AGO2: variants seen among roughly 807,000 people sequenced by gnomAD.
AGO2 encodes the protein protein argonaute-2.
A neutral mutation model predicts 102.3 loss-of-function variants in AGO2; 5 were observed. The observed-to-expected ratio is 0.05, with a 90% CI of 0.03 to 0.10. The LOEUF is 0.10. Ranked by LOEUF, AGO2 falls within the 10% of genes least tolerant of loss-of-function variation. The pLI, the probability that AGO2 is intolerant of heterozygous loss-of-function variation, is 1.00. For synonymous variants in AGO2, 449 were observed against 473.1 expected, an observed-to-expected ratio of 0.95 and a Z score of 0.66; for missense variants, 541 against 1,183.7, an observed-to-expected ratio of 0.46 and a Z score of 7.97.
chr8:140,524,531 C>T lies in AGO2; in HGVS notation c.*7513G>A, dbSNP rs2072467266. ...AAGAAAGCTTCCAAGGCTGGAGGTCCACGCCTGCCTTGTGGAATGGCACAG... is the reference window on the plus strand; with the variant it reads ...AAGAAAGCTTCCAAGGCTGGAGGTCTACGCCTGCCTTGTGGAATGGCACAG... On this transcript the variant is annotated 3_prime_UTR_variant, in exon 19 of 19. Transcript: ENST00000220592. 1 of 152,274 alleles carries T rather than the reference C, an allele frequency of 6.6e-6. No homozygotes were observed. Among genetic ancestry groups the T allele is most frequent in the Non-Finnish European group, 1.5e-5 (1 of 68,066 alleles). The allele number at this position is 152,274 out of a possible 1,614,324, so 9.4% of individuals were successfully genotyped here. A position where few individuals can be genotyped will look rare whatever the true frequency, so the allele number is the denominator to read the frequency against.
rs189961133 is a variant in AGO2 at position 140,522,086 on chromosome 8, T to C, written c.*9958A>G. 49 of 152,266 alleles carry C rather than the reference T, an allele frequency of 3.2e-4. 1 individual carries two copies. The highest frequency in any genetic ancestry group is 1.9e-3 in the East Asian group (10 of 5,192). The allele number at this position is 152,266 out of a possible 1,614,324, so 9.4% of individuals were successfully genotyped here. On this transcript the variant is annotated 3_prime_UTR_variant, in exon 19 of 19. Coordinates refer to ENST00000220592, the MANE Select transcript of AGO2 (RefSeq NM_012154.5). The stretch of plus-strand genomic sequence containing the variant: ...CTGGGGAAAAGTCTATCAAATTCCA[T>C]GACCAATTGGACTTTTCTCCCACCT...
Position 140,540,946 on chromosome 8 carries a change from C to A in AGO2, c.2034+218G>T, listed in dbSNP as rs948594392. 3.3e-5 allele frequency among the ~76,000 whole-genome samples: 5 copies of A among 152,066 alleles called. No homozygotes were observed. Among genetic ancestry groups the A allele is most frequent in the African/African-American group, 7.2e-5 (3 of 41,418 alleles). On this transcript the variant is annotated intron_variant, in intron 15 of 18. Transcript: ENST00000220592. The surrounding 1 kb of genome is among the most constrained non-coding windows in gnomAD (Gnocchi z 5.0). Reference sequence around the variant, plus strand: ...CCCCAGGCCCATACCCGCCCCTCCTCCCCTCCCTCTGTCCTGCCTCAGTGT... The same window carrying A: ...CCCCAGGCCCATACCCGCCCCTCCTACCCTCCCTCTGTCCTGCCTCAGTGT...
At position 140,522,033 on chromosome 8, in the gene AGO2, C is replaced by T. The variant is rs1280013168; in HGVS notation, c.*10011G>A. On this transcript the variant is annotated 3_prime_UTR_variant, in exon 19 of 19. Coordinates refer to ENST00000220592, the MANE Select transcript of AGO2 (RefSeq NM_012154.5). Reference sequence around the variant, plus strand: ...TTTTTTCTTTTCACAGGGGGGCAGTCGGGATTATAATACACTGTAGCAGTT... The same window carrying T: ...TTTTTTCTTTTCACAGGGGGGCAGTTGGGATTATAATACACTGTAGCAGTT... The T allele has an allele frequency of 1.3e-5, 2 of 151,288 alleles. No homozygotes were observed. Among genetic ancestry groups the T allele is most frequent in the Non-Finnish European group, 2.9e-5 (2 of 67,924 alleles). 9.4% of individuals were successfully genotyped at this position (151,288 alleles called of 1,614,324 possible).
At chr8:140,639,137 G>C (rs1466384106), upstream of AGO2, among the ~76,000 whole-genome samples, 1 of 152,156 alleles carries the variant, frequency 6.6e-6, no homozygotes, top group Non-Finnish European at 1.5e-5. Flanking sequence ...CAAAGTGCTG[G>C]GACTACAAGT....
intron 1 of AGO2, among the ~76,000 whole-genome samples, chr8:140,597,360 C>T (rs1411310073): frequency 4.6e-5 from 7 of 151,956 alleles, no homozygotes; most frequent in South Asian, 2.1e-4. Flanking sequence ...GCGTGGGCAG[C>T]GGTGGCATAA....
chr8:140,560,032 C>T (rs189180479), intron 5 of AGO2, among the ~76,000 whole-genome samples: 3 of 152,334 alleles, frequency 2.0e-5, no homozygotes, highest in Admixed American at 1.3e-4. Flanking sequence ...CACAGAGCAG[C>T]GACTAAGCCT....
At chr8:140,566,790 G>T (rs1588463907) in intron 3 of AGO2, among the ~76,000 whole-genome samples, 1 of 152,320 alleles carries the variant, frequency 6.6e-6, no homozygotes, top group South Asian at 2.1e-4. Context: ...GCTTGGCTGG[G>T]CATGGGGGGA....
chr8:140,599,198 T>A (rs1041377438), intron 1 of AGO2, among the ~76,000 whole-genome samples: 2 of 152,204 alleles, frequency 1.3e-5, no homozygotes, highest in Non-Finnish European at 2.9e-5. Flanking sequence ...GTTTCTGCCA[T>A]CCCACTGACA....
At chr8:140,534,959 G>T (rs2072670020) in intron 17 of AGO2, among the ~76,000 whole-genome samples, 1 of 152,258 alleles carries the variant, frequency 6.6e-6, no homozygotes, top group Admixed American at 6.5e-5. Context: ...CCTCAAGGTG[G>T]TAACCAACAC....
At chr8:140,611,889 T>C (rs2074082694) in intron 1 of AGO2, among the ~76,000 whole-genome samples, 1 of 152,138 alleles carries the variant, frequency 6.6e-6, no homozygotes, top group Non-Finnish European at 1.5e-5. Context: ...GGAAAACATA[T>C]TCACCACCAT....
At chr8:140,538,292 A>G (rs2072732499) in intron 16 of AGO2, among the ~76,000 whole-genome samples, 1 of 152,016 alleles carries the variant, frequency 6.6e-6, no homozygotes, top group African/African-American at 2.4e-5. Context: ...GTAGATGATA[A>G]CCCTCTGCCT....
chr8:140,638,377 C>T (rs535503946), upstream of AGO2: 4 of 152,328 alleles, frequency 2.6e-5, no homozygotes, highest in Admixed American at 2.6e-4. Flanking sequence ...TGTCTGCAGG[C>T]CTTCTCAGAG....
chr8:140,537,507 G>A (rs2072718645), intron 16 of AGO2, among the ~76,000 whole-genome samples: 1 of 152,038 alleles, frequency 6.6e-6, no homozygotes, highest in African/African-American at 2.4e-5. Context: ...TCACTTTGTT[G>A]CTCAGGCTAG....
chr8:140,633,546 A>C (rs1331870003), intron 1 of AGO2, among the ~76,000 whole-genome samples: 1 of 152,226 alleles, frequency 6.6e-6, no homozygotes, highest in Non-Finnish European at 1.5e-5. Context: ...CTGAAAAATG[A>C]AATCGACAAG....
intron 1 of AGO2, among the ~76,000 whole-genome samples, chr8:140,599,312 C>T (rs1384922601): frequency 6.6e-6 from 1 of 152,214 alleles, no homozygotes; most frequent in Non-Finnish European, 1.5e-5. Flanking sequence ...TTATCACCGG[C>T]TCGTTTCATA....
chr8:140,559,079 G>A (rs2944758), intron 6 of AGO2, among the ~76,000 whole-genome samples: 30,354 of 151,918 alleles, frequency 0.2, 3,868 homozygotes, highest in African/African-American at 0.37. Flanking sequence ...AAAAGAAAAC[G>A]CATCCTAGGT....
chr8:140,541,346 T>C lies in AGO2; in HGVS notation c.1852A>G (p.Met618Val). Residue 618 changes from methionine (M) to valine (V), a missense_variant, in exon 15 of 19, where the codon ATG (methionine) becomes GTG (valine). By Grantham distance (21) the Met-to-Val change is conservative (BLOSUM62 1). Around this residue, in one of 6 missense-constraint regions of AGO2, gnomAD observed 309 missense variants for 735.1 expected, o/e 0.42. Coordinates refer to ENST00000220592, the MANE Select transcript of AGO2 (RefSeq NM_012154.5). ...KPSIAAVVGS[M>V]DAHPNRYCAT... The stretch of plus-strand genomic sequence containing the variant: ...CAGTAGCGATTGGGGTGGGCGTCCA[T>C]GCTGCCCACCACCTGCAGGAACAGG... The C allele has an allele frequency of 1.2e-6, 2 of 1,605,452 alleles. No individual in the cohort carries two copies. Among genetic ancestry groups the C allele is most frequent in the Non-Finnish European group, 1.7e-6 (2 of 1,176,780 alleles).
intron 13 of AGO2, among the ~76,000 whole-genome samples, chr8:140,546,506 C>T (rs1393382012): frequency 6.6e-6 from 1 of 152,250 alleles, no homozygotes; most frequent in Non-Finnish European, 1.5e-5. Flanking sequence ...CACCACCGCC[C>T]ACTTTCCAAA....
intron 6 of AGO2, 121 bp downstream of exon 6, chr8:140,559,274 A>G (rs2073156267): frequency 7.7e-7 from 1 of 1,297,616 alleles, no homozygotes; most frequent in Non-Finnish European, 1.1e-6. Context: ...TGATGGCTAC[A>G]TTCTGCCACC....
Sources: allele counts gnomAD v4.1 joint callset (sites outside exome capture counted in the v4.1 genomes callset), GRCh38; gene constraint gnomAD v4.1.1; regional missense constraint gnomAD v4.1.1; non-coding constraint Gnocchi (gnomAD v3.1); transcripts MANE v1.5; gene names NCBI Gene and HGNC (gene_info 2026-07-23, HGNC 2026-07-21).